The following PKD1 variants were observed in gnomAD, a reference collection of about 807,000 sequenced individuals.
PKD1 encodes the protein polycystin 1, transient receptor potential channel interacting.
Under a neutral mutation model 361.7 loss-of-function variants are expected in PKD1, and 81 were observed. That is an observed-to-expected ratio of 0.22 (90% confidence interval 0.19 to 0.27). The LOEUF is 0.27. PKD1 is among the 10% of genes least tolerant of loss of function. The probability of loss-of-function intolerance (pLI) is 1.00; values close to 1 mark genes in which losing one functional copy is unlikely to be tolerated. For missense variants in PKD1, 6,399 were observed against 6,118.3 expected (o/e 1.05, Z -1.53); for synonymous variants, 3,615 against 2,818.3 (o/e 1.28, Z -8.95).
rs374881085 is a variant in PKD1, at chr16:2,100,361, G to A, written c.9568+35C>T. The A allele has an allele frequency of 4.3e-6, 7 of 1,610,696 alleles. No individual in the cohort carries two copies. In the African/African-American group the frequency reaches 5.3e-5, roughly 12 times the overall value. ...GCTCGCAGGGCGCCCCAATGCGGGG[G>A]CAGAGGGGCAGAGCTTGGCAGGGTC... On this transcript the variant is annotated intron_variant, in intron 27 of 45. Coordinates refer to ENST00000262304, the MANE Select transcript of PKD1 (RefSeq NM_001009944.3). The surrounding 1 kb of genome is among the most constrained non-coding windows in gnomAD (Gnocchi z 4.4).
Position 2,090,866 on chromosome 16 carries a change from C to T in PKD1, c.12003+18G>A. The T allele has an allele frequency of 6.2e-7, 1 of 1,607,076 alleles. No individual in the cohort carries two copies. ...TGGGGTGTGCGCCCAGCCCCGCGCC[C>T]ACCGGCCCAGCCCTCACCTTGACCA... is the stretch of plus-strand genomic sequence containing the variant. On this transcript the variant is annotated intron_variant, in intron 43 of 45. Coordinates refer to ENST00000262304, the MANE Select transcript of PKD1 (RefSeq NM_001009944.3).
chr16:2,099,114 G>A lies in PKD1; in HGVS notation c.10050+530C>T, dbSNP rs1293145859. The A allele has an allele frequency of 1.2e-5, 3 of 260,234 alleles. No homozygotes were observed. In the East Asian group the frequency reaches 3.1e-4, roughly 27 times the overall value. 16.1% of individuals were successfully genotyped at this position (260,234 alleles called of 1,614,324 possible). A position where few individuals can be genotyped will look rare whatever the true frequency, so the allele number is the denominator to read the frequency against. The stretch of plus-strand genomic sequence containing the variant: ...CCCAAAGTGCTGGGATTACAGGCGT[G>A]AGCCACCGCGCCTGGCCCTTTTTAA... On this transcript the variant is annotated intron_variant, in intron 30 of 45. Transcript: ENST00000262304.
Position 2,092,038 on chromosome 16 carries a change from T to TCTGCTCACCCCAGCAGATC in PKD1, c.11401_11411+8dup. On this transcript the variant is annotated intron_variant, in intron 40 of 45. Transcript: ENST00000262304. ...TGGCGTAGACGCCCGGGGCCCTCGC[T>TCTGCTCACCCCAGCAGATC]CTGCTCACCCCAGCAGATCCGGCGC... 6.2e-7 allele frequency: 1 copy of TCTGCTCACCCCAGCAGATC among 1,612,720 alleles called. No homozygotes were observed.
At chr16:2,127,290 A>G (rs558362034) in intron 1 of PKD1, among the ~76,000 whole-genome samples, 50 of 152,248 alleles carry the variant, frequency 3.3e-4, no homozygotes, top group Non-Finnish European at 5.9e-4. Flanking sequence ...CTCTGCCAAC[A>G]CTTCCCAGCC....
chr16:2,096,993 A>G (rs1476873444), intron 34 of PKD1, 155 bp downstream of exon 34: 2 of 644,934 alleles, frequency 3.1e-6, no homozygotes, highest in Non-Finnish European at 5.6e-6. Flanking sequence ...GGCTCTTTCC[A>G]CAGACAACAG....
At chr16:2,095,593 C>G (rs996230162) in intron 34 of PKD1, among the ~76,000 whole-genome samples, 4 of 152,182 alleles carry the variant, frequency 2.6e-5, no homozygotes, top group African/African-American at 9.7e-5. Context: ...GGTGCAGGCT[C>G]AGGCGCAGGG....
At chr16:2,113,085 A>C (rs1347613427) in intron 12 of PKD1, 76 bp downstream of exon 12, 1 of 1,132,764 alleles carries the variant, frequency 8.8e-7, no homozygotes, top group African/African-American at 1.5e-5. Context: ...GCAGAGCAGA[A>C]GGCAGAGGTG....
Position 2,089,925 on chromosome 16 carries a change from C to T in PKD1, c.12714G>A (p.Gln4238=), listed in dbSNP as rs755048734. 2.5e-6 allele frequency: 4 copies of T among 1,612,178 alleles called. No individual in the cohort carries two copies. In the Admixed American group the frequency reaches 5.0e-5, roughly 20 times the overall value. Residue 4238 remains glutamine, a synonymous_variant, in exon 46 of 46, where the codon CAG becomes CAA. Coordinates refer to ENST00000262304, the MANE Select transcript of PKD1 (RefSeq NM_001009944.3). ...RLNQATEDVY[Q]LEQQLHSLQG... ...GCAGGCTGTGCAGCTGCTGCTCCAG[C>T]TGGTAGACGTCCTCTGTGGCCTGGT...
In PKD1 at chr16:2,090,519, C is replaced by T. The variant is rs1389208417; in HGVS notation, c.12210G>A (p.Gly4070=). The T allele has an allele frequency of 8.1e-6, 13 of 1,610,766 alleles. No individual in the cohort carries two copies. Among genetic ancestry groups the T allele is most frequent in the Non-Finnish European group, 1.1e-5 (13 of 1,179,454 alleles). Residue 4070 remains glycine (G), a synonymous_variant, in exon 45 of 46, where the codon GGG becomes GGA. Transcript: ENST00000262304. ...QALLVLCPGT[G]LSTLCPAESW... ...ACTCGGCAGGACACAGGGTAGAGAG[C>T]CCAGTCCCAGGGCACAGCACCAACA...
intron 34 of PKD1, chr16:2,095,370 G>A (rs2091803265): frequency 1.3e-5 from 2 of 152,198 alleles, no homozygotes; most frequent in South Asian, 2.1e-4. Flanking sequence ...CCGAGATCAT[G>A]CGACTGCACT....
intron 34 of PKD1, chr16:2,096,695 T>G: frequency 5.8e-6 from 1 of 172,106 alleles, no homozygotes; most frequent in Non-Finnish European, 1.3e-5. Context: ...TTTTGTATTT[T>G]TAGTAGAGAC....
chr16:2,112,486 T>A lies in PKD1; in HGVS notation c.3162-13A>T. On this transcript the variant is annotated splice_polypyrimidine_tract_variant and intron_variant, in intron 13 of 45. Coordinates refer to ENST00000262304, the MANE Select transcript of PKD1 (RefSeq NM_001009944.3). ...CCCAAAGGTCCACCTGCCGGGGCGG[T>A]GGGACGCAGTGAGTGAACCGGGACA... The A allele has an allele frequency of 6.3e-7, 1 of 1,584,606 alleles. No individual in the cohort carries two copies. Among genetic ancestry groups the A allele is most frequent in the Non-Finnish European group, 8.5e-7 (1 of 1,174,104 alleles).
At position 2,090,398 on chromosome 16, in the gene PKD1, G is replaced by A. The variant is rs1277822612; in HGVS notation, c.12331C>T (p.His4111Tyr). Residue 4111 changes from histidine (H) to tyrosine (Y), a missense_variant, in exon 45 of 46, where the codon CAC becomes TAC. His to Tyr is a moderately conservative substitution (Grantham distance 83, BLOSUM62 2). Transcript: ENST00000262304. The part of the protein sequence containing the change: ...LGAVILRWRY[H>Y]ALRGELYRPA... ...CGGTACAGCTCTCCACGCAAGGCGT[G>A]GTAGCGCCAGCGGAGAATAACAGCC... 1 of 1,612,680 alleles carries A rather than the reference G, an allele frequency of 6.2e-7. No homozygotes were observed. Among genetic ancestry groups the A allele is most frequent in the Non-Finnish European group, 8.5e-7 (1 of 1,179,918 alleles).
chr16:2,129,471 C>T (rs1018920390), intron 1 of PKD1, among the ~76,000 whole-genome samples: 3 of 150,076 alleles, frequency 2.0e-5, no homozygotes, highest in South Asian at 2.1e-4. Flanking sequence ...CTAATGAGGC[C>T]GACCATCTTC....
chr16:2,115,760 T>A, intron 9 of PKD1, 135 bp from the exon 10 acceptor site: 1 of 1,033,768 alleles, frequency 9.7e-7, no homozygotes, highest in Non-Finnish European at 1.4e-6. Context: ...CCCAGCCCAG[T>A]GCTGCGTCCG....
intron 26 of PKD1, 126 bp downstream of exon 26, chr16:2,101,935 G>A: frequency 1.4e-6 from 1 of 690,124 alleles, no homozygotes; most frequent in Non-Finnish European, 2.7e-6. Context: ...GAACACACGA[G>A]CCCTTCACAC....
At chr16:2,120,760 T>C (rs764698421) in intron 1 of PKD1, among the ~76,000 whole-genome samples, 6 of 152,140 alleles carry the variant, frequency 3.9e-5, no homozygotes, top group Non-Finnish European at 7.4e-5. Context: ...GGCTCACTCC[T>C]GTAATGCCAG....
rs753414148 is a variant in PKD1 at position 2,089,940 on chromosome 16, T to C, written c.12699A>G (p.Thr4233=). The C allele has an allele frequency of 5.0e-6, 8 of 1,612,326 alleles. No individual in the cohort carries two copies. The highest frequency in any genetic ancestry group is 2.2e-5 in the South Asian group (2 of 90,998). Residue 4233 remains threonine, a synonymous_variant, in exon 46 of 46, where the codon ACA becomes ACG. Coordinates refer to ENST00000262304, the MANE Select transcript of PKD1 (RefSeq NM_001009944.3). ...GCTGCTCCAGCTGGTAGACGTCCTC[T>C]GTGGCCTGGTTGAGTCGGTCAAACT... is the stretch of plus-strand genomic sequence containing the variant. ...LTQFDRLNQA[T]EDVYQLEQQL... is the part of the protein sequence containing the mutation.
chr16:2,131,395 C>G (rs1343596718), intron 1 of PKD1, among the ~76,000 whole-genome samples: 1 of 152,054 alleles, frequency 6.6e-6, no homozygotes, highest in East Asian at 1.9e-4. Flanking sequence ...CCAGTCCAGG[C>G]TACTCAGGAG....
Sources: allele counts gnomAD v4.1 joint callset (sites outside exome capture counted in the v4.1 genomes callset), GRCh38; gene constraint gnomAD v4.1.1; non-coding constraint Gnocchi (gnomAD v3.1); transcripts MANE v1.5; gene names NCBI Gene and HGNC (gene_info 2026-07-23, HGNC 2026-07-21).